The following TRAK1 variants were observed in gnomAD, a reference collection of about 807,000 sequenced individuals.
TRAK1 encodes the protein trafficking kinesin-binding protein 1.
A neutral mutation model predicts 92.1 loss-of-function variants in TRAK1; 33 were observed. The observed-to-expected ratio is 0.36, with a 90% CI of 0.27 to 0.48. The LOEUF (loss-of-function observed/expected upper bound fraction) is 0.48. Ranked by LOEUF, TRAK1 falls within the 20% of genes least tolerant of loss-of-function variation. The probability of loss-of-function intolerance (pLI) is 0.99; values close to 1 mark genes in which losing one functional copy is unlikely to be tolerated. For synonymous variants in TRAK1, 521 were observed against 517.3 expected, an observed-to-expected ratio of 1.01 and a Z score of -0.10; for missense variants, 1,123 against 1,257.9, an observed-to-expected ratio of 0.89 and a Z score of 1.62.
intron 10 of TRAK1, among the ~76,000 whole-genome samples, chr3:42,198,376 A>T (rs1368872752): frequency 6.6e-6 from 1 of 152,202 alleles, no homozygotes; most frequent in Non-Finnish European, 1.5e-5. Context: ...TGTTGAGAAG[A>T]GTGGCAAAGA....
At chr3:42,147,318 A>G (rs1246271604) in intron 2 of TRAK1, among the ~76,000 whole-genome samples, 6 of 152,180 alleles carry the variant, frequency 3.9e-5, no homozygotes, top group Non-Finnish European at 8.8e-5. Flanking sequence ...GATCTGATAT[A>G]TACTTTGACC....
At chr3:42,091,177 T>G (rs1705015621), upstream of TRAK1, 1 of 376,718 alleles carries the variant, frequency 2.7e-6, no homozygotes, top group African/African-American at 2.2e-5. Flanking sequence ...CAAAGCCCCG[T>G]TCTCCTTGCT....
chr3:42,030,131 C>T (rs912661875), intron 1 of TRAK1, among the ~76,000 whole-genome samples: 3 of 152,006 alleles, frequency 2.0e-5, no homozygotes, highest in Non-Finnish European at 4.4e-5. Context: ...TTTTAAAATC[C>T]TGGGCTTAAA....
Position 42,212,111 on chromosome 3 carries a change from C to T in TRAK1, c.1963+2126C>T, listed in dbSNP as rs547830733. On this transcript the variant is annotated intron_variant, in intron 14 of 15. Transcript: ENST00000327628. ...ATTTTGATTCTTAGAATGTAAAAAG[C>T]ATATCGCTAAGTAAATCATCCTGGA... The T allele has an allele frequency of 3.7e-5, 36 of 985,336 alleles. 1 individual carries two copies. The Admixed American group carries it at 4.9e-4, about 13-fold the overall frequency. 61.0% of individuals were successfully genotyped at this position (985,336 alleles called of 1,614,324 possible). A position where few individuals can be genotyped will look rare whatever the true frequency, so the allele number is the denominator to read the frequency against.
intron 2 of TRAK1, among the ~76,000 whole-genome samples, chr3:42,163,571 G>GAA (rs527410797): frequency 3.2e-4 from 37 of 114,080 alleles, no homozygotes; most frequent in African/African-American, 8.2e-4. Context: ...CCATCTCAAA[G>GAA]AAAAAAAAAA....
chr3:42,063,099 A>T (rs1302744448), intron 1 of TRAK1, among the ~76,000 whole-genome samples: 1 of 152,240 alleles, frequency 6.6e-6, no homozygotes, highest in Non-Finnish European at 1.5e-5. Context: ...CTCACAGACC[A>T]TGGGTCAAAT....
chr3:42,142,062 GT>G (rs1313048968), intron 2 of TRAK1, among the ~76,000 whole-genome samples: 1 of 152,218 alleles, frequency 6.6e-6, no homozygotes, highest in African/African-American at 2.4e-5. Context: ...AACCTGGGAA[GT>G]GGAGGTTGCA....
chr3:42,145,484 CAA>C (rs11381054), intron 2 of TRAK1, among the ~76,000 whole-genome samples: 9 of 89,640 alleles, frequency 1.0e-4, no homozygotes, highest in Admixed American at 2.5e-4. Context: ...GACTCTGTCT[CAA>C]AAAAAAAAAA....
At chr3:42,109,614 G>A (rs2149061857) in intron 1 of TRAK1, among the ~76,000 whole-genome samples, 1 of 152,272 alleles carries the variant, frequency 6.6e-6, no homozygotes, top group South Asian at 2.1e-4. Flanking sequence ...CTTTAACTGT[G>A]TATTTGTTCC....
intron 7 of TRAK1, among the ~76,000 whole-genome samples, 197 bp from the exon 8 acceptor site, chr3:42,192,874 CTGAT>C (rs1355782196): frequency 6.6e-6 from 1 of 152,198 alleles, no homozygotes. Context: ...TTTTTCATAA[CTGAT>C]TGAGCCCTGA....
At chr3:42,049,327 A>ATT (rs140769607) in intron 1 of TRAK1, among the ~76,000 whole-genome samples, 17 of 134,010 alleles carry the variant, frequency 1.3e-4, no homozygotes, top group Middle Eastern at 7.3e-3. Flanking sequence ...TATGTCATTC[A>ATT]TTTTTTTTTT....
At chr3:42,104,623 A>G (rs1199055837) in intron 1 of TRAK1, among the ~76,000 whole-genome samples, 1 of 152,250 alleles carries the variant, frequency 6.6e-6, no homozygotes, top group East Asian at 1.9e-4. Flanking sequence ...ACAGACCTGC[A>G]GCTGAGGGTC....
Position 42,060,383 on chromosome 3 carries a change from C to T in TRAK1, c.-518-26721C>T, listed in dbSNP as rs549824344. ...TGAGGGCGGGTGGTAAAGGGAGATT[C>T]CAGGTAGAGGGAATAGCAGATACCA... On this transcript the variant is annotated intron_variant, in intron 1 of 16. Transcript: ENST00000487159. Among the ~76,000 whole-genome samples, 219 of 151,924 alleles carry T rather than the reference C, an allele frequency of 1.4e-3. 1 individual carries two copies. The highest frequency in any genetic ancestry group is 5.1e-3 in the African/African-American group (213 of 41,436).
intron 1 of TRAK1, among the ~76,000 whole-genome samples, chr3:42,076,313 C>A (rs1234136442): frequency 7.1e-6 from 1 of 141,560 alleles, no homozygotes; most frequent in South Asian, 2.2e-4. Flanking sequence ...GCAACCTCTG[C>A]CTTCTGTGTT....
At chr3:42,154,850 G>A (rs532533601) in intron 2 of TRAK1, among the ~76,000 whole-genome samples, 1 of 152,216 alleles carries the variant, frequency 6.6e-6, no homozygotes, top group East Asian at 1.9e-4. Flanking sequence ...AGCATCAATG[G>A]GACAGGTGAA....
intron 2 of TRAK1, among the ~76,000 whole-genome samples, chr3:42,172,153 C>T (rs1408425896): frequency 6.6e-6 from 1 of 152,166 alleles, no homozygotes; most frequent in East Asian, 1.9e-4. Context: ...AAATCTCCCT[C>T]CTCCAGCTCC....
At chr3:42,093,640 CTT>C (rs1447940413) in intron 1 of TRAK1, among the ~76,000 whole-genome samples, 44 of 133,752 alleles carry the variant, frequency 3.3e-4, no homozygotes, top group African/African-American at 1.2e-3. Context: ...TCTCTCTTCT[CTT>C]TTTTCTCCCC....
At chr3:42,052,562 A>G (rs1703024896) in intron 1 of TRAK1, among the ~76,000 whole-genome samples, 1 of 152,176 alleles carries the variant, frequency 6.6e-6, no homozygotes. Context: ...CTGATTTAGG[A>G]AAGTAGCCAA....
intron 1 of TRAK1, among the ~76,000 whole-genome samples, chr3:42,017,759 T>C (rs1410565774): frequency 6.6e-6 from 1 of 152,210 alleles, no homozygotes; most frequent in African/African-American, 2.4e-5. Flanking sequence ...TTATTGTTAA[T>C]AGTGCACCTG....
Sources: gnomAD v4.1 joint callset for allele counts (sites outside exome capture counted in the v4.1 genomes callset) on GRCh38, gnomAD v4.1.1 for gene constraint, MANE v1.5 for transcripts, NCBI Gene and HGNC (gene_info 2026-07-23, HGNC 2026-07-21) for gene names.